Variants in IGSF11 observed in about 807,000 individuals in gnomAD.
IGSF11 encodes CXADR like 1.
In IGSF11, 22 loss-of-function variants were observed where a neutral mutation model predicts 41.0. The observed-to-expected ratio is 0.54, with a 90% CI of 0.38 to 0.77. The LOEUF (loss-of-function observed/expected upper bound fraction) is 0.77, where lower values mean the gene tolerates loss of function less well. Ranked by LOEUF, IGSF11 falls within the 30% of genes least tolerant of loss-of-function variation. The probability of loss-of-function intolerance (pLI) is 0.00; values close to 1 mark genes in which losing one functional copy is unlikely to be tolerated. For missense variants in IGSF11, 444 were observed against 530.8 expected, an observed-to-expected ratio of 0.84 and a Z score of 1.61; for synonymous variants, 219 against 201.3, an observed-to-expected ratio of 1.09 and a Z score of -0.74.
chr3:119,090,217 G>A (rs1308158049), intron 1 of IGSF11, among the ~76,000 whole-genome samples: 1 of 152,138 alleles, frequency 6.6e-6, no homozygotes, highest in Non-Finnish European at 1.5e-5. Flanking sequence ...ACAAATCACT[G>A]CTGAAAGAAA....
intron 1 of IGSF11, among the ~76,000 whole-genome samples, chr3:119,053,268 G>T (rs1038695192): frequency 6.6e-6 from 1 of 152,078 alleles, no homozygotes; most frequent in African/African-American, 2.4e-5. Context: ...AAACCCTAAA[G>T]ACTCTTCCAA....
At chr3:119,132,744 A>C (rs1421091659) in intron 1 of IGSF11, among the ~76,000 whole-genome samples, 1 of 152,080 alleles carries the variant, frequency 6.6e-6, no homozygotes, top group African/African-American at 2.4e-5. Context: ...AGAACTCTCC[A>C]CCCCAAATCA....
At chr3:119,111,299 C>A (rs1660296264) in intron 1 of IGSF11, among the ~76,000 whole-genome samples, 2 of 152,246 alleles carry the variant, frequency 1.3e-5, no homozygotes, top group Admixed American at 6.5e-5. Context: ...TCTTTTTATT[C>A]TTTTTTCTCT....
In IGSF11 at chr3:119,054,694, G is replaced by A. The variant is rs187299679; in HGVS notation, c.49+50450C>T. Among the ~76,000 whole-genome samples the A allele has an allele frequency of 1.3e-3, 202 of 152,242 alleles. 1 individual carries two copies. Among genetic ancestry groups the A allele is most frequent in the Admixed American group, 3.3e-3 (51 of 15,292 alleles). Reference sequence around the variant, plus strand: ...CCTACTACTGGTTATCTGCACAGAGGAAAAGAAGTAATTATATGAAAAAGA... The same window carrying A: ...CCTACTACTGGTTATCTGCACAGAGAAAAAGAAGTAATTATATGAAAAAGA... On this transcript the variant is annotated intron_variant, in intron 1 of 6. Coordinates refer to the IGSF11 transcript ENST00000354673.
At chr3:118,903,062 A>C (rs1177752305) in intron 6 of IGSF11, 101 bp from the exon 7 acceptor site, 1 of 1,134,502 alleles carries the variant, frequency 8.8e-7, no homozygotes, top group African/African-American at 1.6e-5. Context: ...TATACATCCA[A>C]AAAACAAATC....
rs1306217429 is a variant in IGSF11, at chr3:119,095,695, G to C, written c.49+9449C>G. On this transcript the variant is annotated intron_variant, in intron 1 of 6. Coordinates refer to the IGSF11 transcript ENST00000354673. Reference sequence around the variant, plus strand: ...GTCTCACAGAAAAAAACAACATTGAGTTAGAGACCATGGCCTACACATGCA... The same window carrying C: ...GTCTCACAGAAAAAAACAACATTGACTTAGAGACCATGGCCTACACATGCA... Among the ~76,000 whole-genome samples, 6 of 152,288 alleles carry C rather than the reference G, an allele frequency of 3.9e-5. No homozygotes were observed. In the East Asian group the frequency reaches 1.2e-3, roughly 29 times the overall value.
intron 1 of IGSF11, among the ~76,000 whole-genome samples, chr3:118,985,942 T>C (rs1935208547): frequency 6.6e-6 from 1 of 152,190 alleles, no homozygotes; most frequent in African/African-American, 2.4e-5. Context: ...CCCCATTCTT[T>C]ATAGGATATA....
At chr3:119,031,659 G>A (rs970390520) in intron 1 of IGSF11, among the ~76,000 whole-genome samples, 2 of 152,152 alleles carry the variant, frequency 1.3e-5, no homozygotes, top group Non-Finnish European at 2.9e-5. Context: ...ATTGCTTCCT[G>A]AATAGTCCAT....
intron 1 of IGSF11, among the ~76,000 whole-genome samples, chr3:119,042,762 C>T (rs565322361): frequency 1.3e-5 from 2 of 152,272 alleles, no homozygotes; most frequent in East Asian, 3.9e-4. Context: ...ACCTAAGTAC[C>T]CATCCTGCCA....
At chr3:118,939,870 T>C (rs1441709981) in intron 1 of IGSF11, among the ~76,000 whole-genome samples, 2 of 152,084 alleles carry the variant, frequency 1.3e-5, no homozygotes, top group Non-Finnish European at 1.5e-5. Context: ...CAGAGTAGAA[T>C]TCAATAAAGA....
upstream of IGSF11, among the ~76,000 whole-genome samples, chr3:119,109,476 C>T (rs138799096): frequency 0.074 from 11,311 of 152,188 alleles, 549 homozygotes; most frequent in Admixed American, 0.16. Flanking sequence ...TGATTCTTCT[C>T]TCTTTTTTTC....
At chr3:118,933,078 T>C (rs896490020) in intron 1 of IGSF11, among the ~76,000 whole-genome samples, 8 of 152,240 alleles carry the variant, frequency 5.3e-5, no homozygotes, top group African/African-American at 1.9e-4. Flanking sequence ...CAGCAGAAGT[T>C]GTGAAAGGCC....
intron 1 of IGSF11, among the ~76,000 whole-genome samples, chr3:119,005,261 T>C (rs950137367): frequency 6.8e-6 from 1 of 146,360 alleles, no homozygotes; most frequent in Non-Finnish European, 1.5e-5. Flanking sequence ...TTAAAGTCTG[T>C]TTTATCAGAG....
chr3:119,004,045 T>C (rs1937200779), intron 1 of IGSF11, among the ~76,000 whole-genome samples: 2 of 151,972 alleles, frequency 1.3e-5, no homozygotes, highest in African/African-American at 2.4e-5. Context: ...ATGGTACCAG[T>C]TCCTCCTTGT....
At chr3:119,034,098 T>G (rs564756064) in intron 1 of IGSF11, among the ~76,000 whole-genome samples, 53 of 152,356 alleles carry the variant, frequency 3.5e-4, no homozygotes, top group Non-Finnish European at 5.7e-4. Context: ...TCTAAAAGGT[T>G]ACGTTAAAGC....
At chr3:119,124,972 A>G (rs2077382800) in intron 1 of IGSF11, among the ~76,000 whole-genome samples, 2 of 152,236 alleles carry the variant, frequency 1.3e-5, no homozygotes, top group Non-Finnish European at 2.9e-5. Flanking sequence ...CAGACTTTTC[A>G]GTGGAAACCT....
chr3:118,928,234 G>T (rs1350785219), intron 3 of IGSF11, among the ~76,000 whole-genome samples: 1 of 152,172 alleles, frequency 6.6e-6, no homozygotes, highest in Non-Finnish European at 1.5e-5. Context: ...CTTAAGAAAA[G>T]TGAGAGACCA....
Position 119,055,118 on chromosome 3 carries a change from G to C in IGSF11, c.49+50026C>G. On this transcript the variant is annotated intron_variant, in intron 1 of 6. Transcript: ENST00000354673. ...TCCAACAGACCTGCAGCTGAGGGTC[G>C]TGACTGTTAGAAGGAAAACTAACAA... Among the ~76,000 whole-genome samples the C allele has an allele frequency of 2.6e-5, 4 of 152,242 alleles. 1 individual carries two copies.
At position 119,063,460 on chromosome 3, in the gene IGSF11, G is replaced by T. The variant is rs557319796; in HGVS notation, c.49+41684C>A. On this transcript the variant is annotated intron_variant, in intron 1 of 6. Transcript: ENST00000354673. Reference sequence around the variant, plus strand: ...TCCCTTTTGAGGACAAGCCATGAGGGGTTTTTTTGTTATGTTTTGTTTTGT... The same window carrying T: ...TCCCTTTTGAGGACAAGCCATGAGGTGTTTTTTTGTTATGTTTTGTTTTGT... Among the ~76,000 whole-genome samples, 16 of 152,146 alleles carry T rather than the reference G, an allele frequency of 1.1e-4. No homozygotes were observed. The East Asian group carries it at 3.1e-3, about 29-fold the overall frequency.
Sources: gnomAD v4.1 joint callset for allele counts (sites outside exome capture counted in the v4.1 genomes callset) on GRCh38, gnomAD v4.1.1 for gene constraint, MANE v1.5 for transcripts, NCBI Gene and HGNC (gene_info 2026-07-23, HGNC 2026-07-21) for gene names.